EPHA5: variants seen among roughly 807,000 people sequenced by gnomAD.
EPHA5 encodes the protein ephrin type-A receptor 5.
In EPHA5, 60 loss-of-function variants were observed where a neutral mutation model predicts 105.0. That is an observed-to-expected ratio of 0.57 (90% CI 0.46 to 0.71). EPHA5 has a LOEUF of 0.71. Ranked by LOEUF, EPHA5 falls within the 30% of genes least tolerant of loss-of-function variation. The probability of loss-of-function intolerance (pLI) is 0.00; values close to 1 mark genes in which losing one functional copy is unlikely to be tolerated. For synonymous variants in EPHA5, 513 were observed against 449.1 expected (o/e 1.14, Z -1.80); for missense variants, 1,218 against 1,274.7 (o/e 0.96, Z 0.68).
chr4:65,428,830 T>C (rs911954205), intron 5 of EPHA5, among the ~76,000 whole-genome samples: 10 of 151,994 alleles, frequency 6.6e-5, no homozygotes, highest in African/African-American at 2.4e-4. Context: ...TGAAGTCACA[T>C]TCACAGTGAT....
intron 8 of EPHA5, among the ~76,000 whole-genome samples, chr4:65,374,320 T>C (rs1213430796): frequency 6.6e-6 from 1 of 151,888 alleles, no homozygotes; most frequent in Non-Finnish European, 1.5e-5. Flanking sequence ...ATTTGGAATA[T>C]TAACATTATG....
chr4:65,619,788 C>T (rs1160186109), intron 2 of EPHA5, among the ~76,000 whole-genome samples: 1 of 151,868 alleles, frequency 6.6e-6, no homozygotes, highest in South Asian at 2.1e-4. Context: ...GTTATACTTA[C>T]ATAAAAATAC....
intron 16 of EPHA5, 34 bp downstream of exon 16, chr4:65,331,939 C>T (rs151224982): frequency 4.5e-6 from 7 of 1,569,122 alleles, no homozygotes; most frequent in African/African-American, 1.4e-5. Flanking sequence ...CTTGCCCCAG[C>T]AATTATGTAA....
chr4:65,390,823 C>T (rs1720641165), intron 8 of EPHA5, among the ~76,000 whole-genome samples: 1 of 151,826 alleles, frequency 6.6e-6, no homozygotes, highest in Admixed American at 6.6e-5. Context: ...GAGATTAAAA[C>T]ATTAGAGGAG....
At chr4:65,535,178 T>A (rs1357311147) in intron 3 of EPHA5, among the ~76,000 whole-genome samples, 1 of 152,200 alleles carries the variant, frequency 6.6e-6, no homozygotes, top group Non-Finnish European at 1.5e-5. Context: ...GTCTTTATAA[T>A]TCACCATGGG....
intron 1 of EPHA5, among the ~76,000 whole-genome samples, chr4:65,654,378 C>T (rs968265175): frequency 9.9e-5 from 15 of 151,842 alleles, no homozygotes; most frequent in African/African-American, 3.6e-4. Flanking sequence ...TGTTCAAGTT[C>T]CATAGAATAT....
At chr4:65,551,873 G>A (rs910776769) in intron 3 of EPHA5, among the ~76,000 whole-genome samples, 2 of 152,100 alleles carry the variant, frequency 1.3e-5, no homozygotes, top group Admixed American at 1.3e-4. Context: ...GAAGCTAATG[G>A]TTAATAAATT....
chr4:65,433,131 C>A (rs1324489021), intron 5 of EPHA5, among the ~76,000 whole-genome samples: 1 of 152,058 alleles, frequency 6.6e-6, no homozygotes, highest in Non-Finnish European at 1.5e-5. Context: ...TTTTCGAGTG[C>A]TGAAGCAGAT....
At position 65,414,453 on chromosome 4, in the gene EPHA5, C is replaced by T. The variant is rs2305351; in HGVS notation, c.1528-10G>A. ...AGCTGGTCTCTTGGTCCTTGGGATGCGCATGCATATACAATAAAAAAGACA... is the reference window on the plus strand; with the variant it reads ...AGCTGGTCTCTTGGTCCTTGGGATGTGCATGCATATACAATAAAAAAGACA... On this transcript the variant is annotated splice_polypyrimidine_tract_variant and intron_variant, in intron 6 of 16. Transcript: ENST00000613740. 0.16 allele frequency: 262,223 copies of T among 1,612,094 alleles called. 23,972 individuals are homozygous for T. Among genetic ancestry groups the T allele is most frequent in the Admixed American group, 0.32 (18,960 of 59,932 alleles).
chr4:65,474,482 A>T (rs999964030), intron 5 of EPHA5, among the ~76,000 whole-genome samples: 2 of 152,176 alleles, frequency 1.3e-5, no homozygotes, highest in African/African-American at 4.8e-5. Flanking sequence ...CAGTTTGCAG[A>T]ACAGGTCATA....
At chr4:65,418,275 C>T (rs1336207655) in intron 6 of EPHA5, among the ~76,000 whole-genome samples, 1 of 152,036 alleles carries the variant, frequency 6.6e-6, no homozygotes, top group African/African-American at 2.4e-5. Flanking sequence ...GTTACAAAAA[C>T]TTGAATAAGA....
At chr4:65,445,040 G>A (rs1578133036) in intron 5 of EPHA5, among the ~76,000 whole-genome samples, 1 of 151,962 alleles carries the variant, frequency 6.6e-6, no homozygotes, top group African/African-American at 2.4e-5. Context: ...TGTGATTTAT[G>A]TTTTATCCTG....
chr4:65,390,680 G>T (rs79460153), intron 8 of EPHA5, among the ~76,000 whole-genome samples: 12,752 of 152,032 alleles, frequency 0.084, 672 homozygotes, highest in Non-Finnish European at 0.12. Context: ...TAAAACAACA[G>T]CAAGGAAGAG....
chr4:65,516,320 TA>T (rs1734100384), intron 3 of EPHA5, among the ~76,000 whole-genome samples: 1 of 152,182 alleles, frequency 6.6e-6, no homozygotes. Context: ...ATGAAAATGT[TA>T]TTAAAATCAT....
At chr4:65,460,535 T>C (rs532572782) in intron 5 of EPHA5, among the ~76,000 whole-genome samples, 1 of 151,552 alleles carries the variant, frequency 6.6e-6, no homozygotes, top group African/African-American at 2.4e-5. Flanking sequence ...AAGTAATGAC[T>C]TTTTAAGGTT....
chr4:65,573,850 A>G, intron 3 of EPHA5: 5 of 1,613,588 alleles, frequency 3.1e-6, no homozygotes, highest in South Asian at 1.1e-5. Flanking sequence ...CACGGCAAAA[A>G]AAAACCCTTC....
At chr4:65,605,045 T>C (rs530187452) in intron 2 of EPHA5, among the ~76,000 whole-genome samples, 1 of 152,302 alleles carries the variant, frequency 6.6e-6, no homozygotes, top group South Asian at 2.1e-4. Flanking sequence ...TTCAATGCCA[T>C]CCCCTGAGCC....
intron 3 of EPHA5, among the ~76,000 whole-genome samples, chr4:65,533,411 G>C (rs1332306886): frequency 6.6e-6 from 1 of 151,962 alleles, no homozygotes; most frequent in Non-Finnish European, 1.5e-5. Flanking sequence ...ACTCAGGATT[G>C]GCACAATTTA....
At chr4:65,370,899 A>T (rs541502455) in intron 8 of EPHA5, among the ~76,000 whole-genome samples, 191 of 152,252 alleles carry the variant, frequency 1.3e-3, no homozygotes, top group African/African-American at 4.0e-3. Flanking sequence ...AGCAAGTAAA[A>T]GTGCAGCTAG....
Sources: allele counts gnomAD v4.1 joint callset (sites outside exome capture counted in the v4.1 genomes callset), GRCh38; gene constraint gnomAD v4.1.1; transcripts MANE v1.5; gene names NCBI Gene and HGNC (gene_info 2026-07-23, HGNC 2026-07-21).